Variants in STK3 observed in about 807,000 individuals in gnomAD.
STK3 encodes serine/threonine kinase 3.
A neutral mutation model predicts 58.0 loss-of-function variants in STK3; 41 were observed. The ratio of observed to expected loss-of-function variants is 0.71; its 90% confidence interval spans 0.55 to 0.92. The LOEUF is 0.92. STK3 is among the 40% of genes least tolerant of loss of function. The pLI is 0.00. For missense variants in STK3, 479 were observed against 602.7 expected (o/e 0.79, Z 2.15); for synonymous variants, 170 against 191.0 (o/e 0.89, Z 0.91).
At chr8:98,403,354 C>G (rs902937572) in intron 3 of STK3, among the ~76,000 whole-genome samples, 2 of 152,188 alleles carry the variant, frequency 1.3e-5, no homozygotes, top group African/African-American at 4.8e-5. Flanking sequence ...AGAAGTACCC[C>G]CTAAGATGGG....
chr8:98,442,823 C>T (rs1325084674), intron 1 of STK3, among the ~76,000 whole-genome samples: 1 of 152,202 alleles, frequency 6.6e-6, no homozygotes, highest in Non-Finnish European at 1.5e-5. Context: ...CTCAACACCT[C>T]AACTGAGGAT....
intron 1 of STK3, among the ~76,000 whole-genome samples, chr8:98,380,811 T>C (rs1192509255): frequency 6.6e-6 from 1 of 152,168 alleles, no homozygotes; most frequent in Non-Finnish European, 1.5e-5. Context: ...TGTTTATGTC[T>C]GTTGTTCATG....
chr8:98,578,455 A>G (rs1415504738), intron 8 of STK3, among the ~76,000 whole-genome samples: 1 of 152,254 alleles, frequency 6.6e-6, no homozygotes, highest in Admixed American at 6.5e-5. Flanking sequence ...ATGTAGCTGC[A>G]TATCTAAAGA....
At chr8:98,915,432 C>CTATATATATATATATATATATATATATA (rs56187203) in intron 1 of STK3, among the ~76,000 whole-genome samples, 1 of 94,720 alleles carries the variant, frequency 1.1e-5, no homozygotes, top group African/African-American at 5.6e-5. Flanking sequence ...ATAAACTTTC[C>CTATATATATATATATATATATATATATA]TATATATATA....
At chr8:98,941,690 C>A (rs1418858458) in intron 1 of STK3, among the ~76,000 whole-genome samples, 2 of 152,312 alleles carry the variant, frequency 1.3e-5, no homozygotes, top group Non-Finnish European at 1.5e-5. Context: ...GCCTGCGCTG[C>A]GCGCCCCCTC....
intron 3 of STK3, among the ~76,000 whole-genome samples, chr8:98,424,192 T>G (rs2131059974): frequency 6.6e-6 from 1 of 152,372 alleles, no homozygotes; most frequent in Non-Finnish European, 1.5e-5. Flanking sequence ...CCCACAGAGC[T>G]TCTGTCTCAG....
chr8:98,919,594 C>T (rs1374599915), intron 1 of STK3, among the ~76,000 whole-genome samples: 4 of 152,068 alleles, frequency 2.6e-5, no homozygotes, highest in Non-Finnish European at 5.9e-5. Context: ...CAAACTTGGA[C>T]CGCTAAGAGC....
intron 4 of STK3, among the ~76,000 whole-genome samples, chr8:98,747,176 CAGAA>C (rs1829699444): frequency 6.9e-6 from 1 of 144,812 alleles, no homozygotes; most frequent in Admixed American, 6.8e-5. Flanking sequence ...CTGAGAAACA[CAGAA>C]AGAAATAAAG....
At chr8:98,823,515 T>C (rs1835045160) in intron 1 of STK3, among the ~76,000 whole-genome samples, 1 of 152,216 alleles carries the variant, frequency 6.6e-6, no homozygotes, top group Admixed American at 6.5e-5. Context: ...TTCTGGCACT[T>C]TCTCCACTTG....
At chr8:98,611,497 G>A (rs1317264112) in intron 6 of STK3, among the ~76,000 whole-genome samples, 1 of 152,016 alleles carries the variant, frequency 6.6e-6, no homozygotes, top group Non-Finnish European at 1.5e-5. Context: ...CGTGCCTAGG[G>A]AAAATAAGGC....
chr8:98,941,207 G>T lies in STK3; in HGVS notation c.-79+1171C>A, dbSNP rs796267033. On this transcript the variant is annotated intron_variant, in intron 1 of 1. Coordinates refer to the STK3 transcript ENST00000519420. The stretch of plus-strand genomic sequence containing the variant: ...CCTCAGCCCTGCTGAGAGCACGGGC[G>T]CTGACGCGCTGTTTTAAAAGATAAA... Among the ~76,000 whole-genome samples the T allele has an allele frequency of 4.1e-4, 62 of 152,388 alleles. 1 individual carries two copies. Among genetic ancestry groups the T allele is most frequent in the African/African-American group, 1.4e-3 (59 of 41,598 alleles).
chr8:98,892,998 A>G (rs1374551041), intron 1 of STK3, among the ~76,000 whole-genome samples: 1 of 152,226 alleles, frequency 6.6e-6, no homozygotes, highest in Non-Finnish European at 1.5e-5. Flanking sequence ...AGGGGACAGT[A>G]TAAAGGCAAT....
intron 4 of STK3, among the ~76,000 whole-genome samples, chr8:98,730,532 C>A (rs1828096898): frequency 1.3e-5 from 2 of 151,980 alleles, no homozygotes; most frequent in African/African-American, 4.8e-5. Flanking sequence ...AGCCTGGCCA[C>A]ATGGTGAAAC....
At chr8:98,838,072 T>TAAAAAAA (rs1835809942) in intron 3 of STK3, among the ~76,000 whole-genome samples, 1 of 24,606 alleles carries the variant, frequency 4.1e-5, no homozygotes. Context: ...CTACTAAAAA[T>TAAAAAAA]ACAAAAAAAA....
rs200491639 is a variant in STK3, at chr8:98,832,255, A to AAT, written c.110+51390_110+51391dup. ...TGCCTCCTTTTCGTGAAAAAAAAAA[A>AAT]ATATATATATATATATAGATATCTA... is the stretch of plus-strand genomic sequence containing the variant. On this transcript the variant is annotated intron_variant, in intron 3 of 12. Transcript: ENST00000523601. Among the ~76,000 whole-genome samples the AAT allele has an allele frequency of 4.1e-3, 567 of 138,870 alleles. 5 individuals are homozygous for AAT. The highest frequency in any genetic ancestry group is 0.019 in the South Asian group (83 of 4,428). 91.1% of individuals were successfully genotyped at this position (138,870 alleles called of 152,430 possible).
At chr8:98,903,538 CTTCTTCTTCTTCTTCTTCCTT>C (rs1274951207) in intron 1 of STK3, among the ~76,000 whole-genome samples, 13 of 28,408 alleles carry the variant, frequency 4.6e-4, no homozygotes, top group African/African-American at 2.7e-3. Context: ...TCTTCTTCTT[CTTCTTCTTCTTCTTCTTCCTT>C]TTTTTTTTTT....
At chr8:98,739,757 C>A (rs371725957) in intron 4 of STK3, among the ~76,000 whole-genome samples, 4 of 148,056 alleles carry the variant, frequency 2.7e-5, no homozygotes, top group Non-Finnish European at 4.5e-5. Context: ...ATGACTTTGA[C>A]GAGTTGAGAG....
intron 6 of STK3, among the ~76,000 whole-genome samples, chr8:98,652,943 C>G (rs1318737968): frequency 6.6e-6 from 1 of 152,062 alleles, no homozygotes; most frequent in Non-Finnish European, 1.5e-5. Flanking sequence ...AGTTAATAAG[C>G]ATACCCAGGA....
intron 1 of STK3, among the ~76,000 whole-genome samples, chr8:98,934,151 A>T (rs1003332092): frequency 2.0e-5 from 3 of 152,218 alleles, no homozygotes; most frequent in African/African-American, 7.2e-5. Context: ...AGTCTGCTTT[A>T]TATGGCAACA....
Sources: allele counts gnomAD v4.1 joint callset (sites outside exome capture counted in the v4.1 genomes callset), GRCh38; gene constraint gnomAD v4.1.1; transcripts MANE v1.5; gene names NCBI Gene and HGNC (gene_info 2026-07-23, HGNC 2026-07-21).